The following CDH1 variants were observed in gnomAD, a reference collection of about 807,000 sequenced individuals.
CDH1 encodes the protein cadherin 1.
In CDH1, 35 loss-of-function variants were observed where a neutral mutation model predicts 84.5. The ratio of observed to expected loss-of-function variants is 0.41; its 90% CI spans 0.32 to 0.55. The LOEUF is 0.55. Ranked by LOEUF, CDH1 falls within the 20% of genes least tolerant of loss-of-function variation. The pLI, the probability that CDH1 is intolerant of heterozygous loss-of-function variation, is 0.19. For missense variants in CDH1, 994 were observed against 1,126.6 expected (o/e 0.88, Z 1.68); for synonymous variants, 417 against 439.0 (o/e 0.95, Z 0.63).
intron 2 of CDH1, among the ~76,000 whole-genome samples, chr16:68,780,711 C>A (rs964088959): frequency 3.3e-5 from 5 of 152,208 alleles, no homozygotes; most frequent in African/African-American, 7.2e-5. Flanking sequence ...CCCATAACTT[C>A]ATGCGTCTTC....
intron 2 of CDH1, among the ~76,000 whole-genome samples, chr16:68,768,586 G>A (rs1026422806): frequency 6.6e-6 from 1 of 152,196 alleles, no homozygotes; most frequent in East Asian, 1.9e-4. Flanking sequence ...GCTGGGTGCA[G>A]TGGTACATGC....
chr16:68,781,950 C>A, intron 2 of CDH1, among the ~76,000 whole-genome samples: 1 of 152,132 alleles, frequency 6.6e-6, no homozygotes, highest in Non-Finnish European at 1.5e-5. Flanking sequence ...GCTAAGGCCT[C>A]AAGGAGGGGG....
intron 1 of CDH1, 97 bp from the exon 2 acceptor site, chr16:68,738,200 G>C (rs1466376367): frequency 2.4e-6 from 2 of 833,990 alleles, no homozygotes; most frequent in Non-Finnish European, 3.9e-6. Context: ...CCCCAATCCC[G>C]ACGCCGGGAG....
Position 68,823,504 on chromosome 16 carries a change from T to G in CDH1, c.2042T>G (p.Leu681Ter). 6.2e-7 allele frequency: 1 copy of G among 1,613,488 alleles called. No individual in the cohort carries two copies. The highest frequency in any genetic ancestry group is 8.5e-7 in the Non-Finnish European group (1 of 1,179,480). ...DNQNKDQVTT[L>*]EVSVCDCEGA... ...CAGAATAAAGACCAAGTGACCACCTTAGAGGTCAGCGTGTGTGACTGTGAA... is the reference window on the plus strand; with the variant it reads ...CAGAATAAAGACCAAGTGACCACCTGAGAGGTCAGCGTGTGTGACTGTGAA... Residue 681 changes from leucine (L) to a stop codon, truncating the protein, a stop_gained, in exon 13 of 16, where the codon TTA (leucine) becomes TGA (stop). Transcript: ENST00000261769. LOFTEE classifies it high-confidence loss of function.
chr16:68,782,348 A>G (rs1417600366), intron 2 of CDH1, among the ~76,000 whole-genome samples: 3 of 152,214 alleles, frequency 2.0e-5, no homozygotes, highest in African/African-American at 4.8e-5. Flanking sequence ...AGGCAGTTGC[A>G]GAAGTTTCGA....
intron 3 of CDH1, among the ~76,000 whole-genome samples, chr16:68,808,038 A>T (rs1445003769): frequency 6.6e-6 from 1 of 152,162 alleles, no homozygotes; most frequent in Non-Finnish European, 1.5e-5. Flanking sequence ...TTGCCGCTGT[A>T]CCCCAGCCTC....
rs1961602216 is a variant in CDH1 at position 68,835,106 on chromosome 16, A to C, written c.*1607A>C. 1 of 231,976 alleles carries C rather than the reference A, an allele frequency of 4.3e-6. No individual in the cohort carries two copies. Among genetic ancestry groups the C allele is most frequent in the Non-Finnish European group, 8.5e-6 (1 of 117,250 alleles). 14.4% of individuals were successfully genotyped at this position (231,976 alleles called of 1,614,324 possible). On this transcript the variant is annotated 3_prime_UTR_variant, in exon 16 of 16. Transcript: ENST00000261769. ...TTGCCCAATTCCAGGTGTGCACAGA[A>C]AACCGAGAATATTCAAAATTCCAAA...
intron 2 of CDH1, among the ~76,000 whole-genome samples, chr16:68,748,891 G>A (rs1962817776): frequency 6.6e-6 from 1 of 152,234 alleles, no homozygotes; most frequent in South Asian, 2.1e-4. Flanking sequence ...CCAGGCTGGA[G>A]TGCAATGGTG....
At chr16:68,769,347 C>T (rs1410831187) in intron 2 of CDH1, among the ~76,000 whole-genome samples, 2 of 152,172 alleles carry the variant, frequency 1.3e-5, no homozygotes, top group Non-Finnish European at 2.9e-5. Flanking sequence ...TCTTGCTCTT[C>T]CTACTTCAAT....
intron 2 of CDH1, among the ~76,000 whole-genome samples, chr16:68,783,191 G>A (rs1173816879): frequency 6.6e-6 from 1 of 151,914 alleles, no homozygotes; most frequent in South Asian, 2.1e-4. Context: ...GAGCTCAGGA[G>A]TTCGAGACCA....
chr16:68,780,977 TAGCAACCTGGGCC>T (rs1959862031), intron 2 of CDH1, among the ~76,000 whole-genome samples: 1 of 152,124 alleles, frequency 6.6e-6, no homozygotes, highest in African/African-American at 2.4e-5. Flanking sequence ...GAAGACGCCG[TAGCAACCTGGGCC>T]AGAATTGGGA....
Position 68,822,046 on chromosome 16 carries a change from C to T in CDH1, c.1757C>T (p.Ser586Phe), listed in dbSNP as rs864622599. The change falls in exon 12 of 16, where the codon TCT becomes TTT. Residue 586 changes from serine (S) to phenylalanine (F), a missense_variant. By Grantham distance (155) the Ser-to-Phe change is radical. Around this residue, in one of 3 missense-constraint regions of CDH1, gnomAD observed 769 missense variants for 881.8 expected, o/e 0.87. Transcript: ENST00000261769. ...TGTGTLLLIL[S>F]DVNDNAPIPE... ...ACAGGGACACTTCTGCTGATCCTGT[C>T]TGATGTGAATGACAACGCCCCCATA... is the stretch of plus-strand genomic sequence containing the variant. 1 of 1,614,038 alleles carries T rather than the reference C, an allele frequency of 6.2e-7. No individual in the cohort carries two copies. Among genetic ancestry groups the T allele is most frequent in the African/African-American group, 1.3e-5 (1 of 74,910 alleles).
chr16:68,791,034 C>T (rs1306730049), intron 2 of CDH1, among the ~76,000 whole-genome samples: 1 of 152,142 alleles, frequency 6.6e-6, no homozygotes, highest in Non-Finnish European at 1.5e-5. Flanking sequence ...CAAGAGCTAA[C>T]CTTTCTCATA....
intron 2 of CDH1, among the ~76,000 whole-genome samples, chr16:68,799,573 G>C (rs1177824061): frequency 6.6e-6 from 1 of 152,118 alleles, no homozygotes; most frequent in Admixed American, 6.6e-5. Context: ...GGATCAGGTT[G>C]CATGAGGAGA....
intron 6 of CDH1, among the ~76,000 whole-genome samples, 176 bp downstream of exon 6, chr16:68,810,517 CAT>C (rs1051025350): frequency 2.0e-5 from 3 of 152,058 alleles, no homozygotes; most frequent in East Asian, 1.9e-4. Flanking sequence ...CCTGTGGAAA[CAT>C]ATAAAATAGG....
chr16:68,776,839 C>T (rs1185270555), intron 2 of CDH1, among the ~76,000 whole-genome samples: 1 of 152,204 alleles, frequency 6.6e-6, no homozygotes, highest in African/African-American at 2.4e-5. Context: ...TATATACTTT[C>T]TCATGTAGTT....
In CDH1 at chr16:68,748,761, T is replaced by C. The variant is rs542282530; in HGVS notation, c.163+10350T>C. ...GCGTTTAGAGACAGTCGGTTCCCAC[T>C]GTCCCAGTGGAGGTTTTGAGAAAGA... On this transcript the variant is annotated intron_variant, in intron 2 of 15. Coordinates refer to ENST00000261769, the MANE Select transcript of CDH1 (RefSeq NM_004360.5). 3.9e-5 allele frequency among the ~76,000 whole-genome samples: 6 copies of C among 152,368 alleles called. No individual in the cohort carries two copies. In the South Asian group the frequency reaches 1.0e-3, roughly 26 times the overall value.
At position 68,834,471 on chromosome 16, in the gene CDH1, C is replaced by T; in HGVS notation, c.*972C>T. On this transcript the variant is annotated 3_prime_UTR_variant, in exon 16 of 16. Transcript: ENST00000261769. ...GCCTCAAGCAATCCTTCTGCCTTGG[C>T]CCCCCAAAGTGCTGGGATTGTGGGC... 3.2e-6 allele frequency: 1 copy of T among 315,640 alleles called. No homozygotes were observed. The highest frequency in any genetic ancestry group is 5.7e-5 in the East Asian group (1 of 17,608). The allele number at this position is 315,640 out of a possible 1,614,324, so 19.6% of individuals were successfully genotyped here. A position where few individuals can be genotyped will look rare whatever the true frequency, so the allele number is the denominator to read the frequency against.
At chr16:68,797,060 A>G (rs892294063) in intron 2 of CDH1, among the ~76,000 whole-genome samples, 7 of 152,160 alleles carry the variant, frequency 4.6e-5, no homozygotes, top group Non-Finnish European at 1.0e-4. Flanking sequence ...AAAATAGAGC[A>G]TGGCACATTA....
Sources: gnomAD v4.1 joint callset for allele counts (sites outside exome capture counted in the v4.1 genomes callset) on GRCh38, gnomAD v4.1.1 for gene constraint, gnomAD v4.1.1 regional missense constraint, MANE v1.5 for transcripts, NCBI Gene and HGNC (gene_info 2026-07-23, HGNC 2026-07-21) for gene names.